NKAIN3: variants seen among roughly 807,000 people sequenced by gnomAD.
NKAIN3 encodes the protein sodium/potassium-transporting ATPase subunit beta-1-interacting protein 3.
Under a neutral mutation model 30.2 loss-of-function variants are expected in NKAIN3, and 25 were observed. The observed-to-expected ratio is 0.83, with a 90% CI of 0.60 to 1.16. NKAIN3 has a LOEUF of 1.16. Among genes scored for constraint, NKAIN3 ranks in the 50% most tolerant of loss-of-function variants. The probability of loss-of-function intolerance (pLI) is 0.00; values close to 1 mark genes in which losing one functional copy is unlikely to be tolerated. For missense variants in NKAIN3, 225 were observed against 254.1 expected, an observed-to-expected ratio of 0.89 and a Z score of 0.78; for synonymous variants, 91 against 89.6, an observed-to-expected ratio of 1.02 and a Z score of -0.09.
intron 1 of NKAIN3, among the ~76,000 whole-genome samples, chr8:62,256,920 A>G (rs1331723613): frequency 1.3e-5 from 2 of 152,204 alleles, no homozygotes; most frequent in Admixed American, 1.3e-4. Context: ...TGTGAGGCTG[A>G]CGAATGTTCC....
rs1227640385 is a variant in NKAIN3 at position 62,971,138 on chromosome 8, G to A, written c.*5731G>A. 6.6e-6 allele frequency among the ~76,000 whole-genome samples: 1 copy of A among 152,098 alleles called. No homozygotes were observed. The highest frequency in any genetic ancestry group is 1.5e-5 in the Non-Finnish European group (1 of 68,030). ...AACATGACTCAAAATGGCTGCTGAAGCTTCAGCCATTGGTTTTGTATTCTG... is the reference window on the plus strand; with the variant it reads ...AACATGACTCAAAATGGCTGCTGAAACTTCAGCCATTGGTTTTGTATTCTG... On this transcript the variant is annotated 3_prime_UTR_variant, in exon 7 of 7. Coordinates refer to ENST00000623646, the MANE Select transcript of NKAIN3 (RefSeq NM_001304533.3).
intron 1 of NKAIN3, among the ~76,000 whole-genome samples, chr8:62,512,244 A>C (rs1463642245): frequency 2.0e-5 from 3 of 152,222 alleles, no homozygotes; most frequent in South Asian, 2.1e-4. Flanking sequence ...CAGGCTAATT[A>C]ATTTGTGATT....
At chr8:62,462,781 G>A (rs12115033) in intron 1 of NKAIN3, among the ~76,000 whole-genome samples, 21,826 of 152,108 alleles carry the variant, frequency 0.14, 1,783 homozygotes, top group East Asian at 0.38. Context: ...TGGTTCCTGG[G>A]GTCTGAGGAA....
In NKAIN3 at chr8:62,843,345, TA is replaced by T. The variant is rs573068035; in HGVS notation, c.472-75107del. 2.7e-3 allele frequency among the ~76,000 whole-genome samples: 415 copies of T among 151,728 alleles called. 2 individuals carry two copies. The highest frequency in any genetic ancestry group is 7.5e-3 in the African/African-American group (309 of 41,436). ...TTAATTAATTAATTTTTTATTTATTTATTTTTTTTGAGACAGAGTCTCATTC... is the reference window on the plus strand; with the variant it reads ...TTAATTAATTAATTTTTTATTTATTTTTTTTTTTGAGACAGAGTCTCATTC... On this transcript the variant is annotated intron_variant, in intron 4 of 6. Coordinates refer to ENST00000623646, the MANE Select transcript of NKAIN3 (RefSeq NM_001304533.3).
intron 1 of NKAIN3, among the ~76,000 whole-genome samples, chr8:62,544,127 A>G (rs1164382161): frequency 6.6e-6 from 1 of 151,974 alleles, no homozygotes; most frequent in Non-Finnish European, 1.5e-5. Context: ...TCAGCCTCCC[A>G]AGTAGCCAGA....
chr8:62,479,966 GA>G (rs1806661195), intron 1 of NKAIN3, among the ~76,000 whole-genome samples: 1 of 152,112 alleles, frequency 6.6e-6, no homozygotes, highest in Admixed American at 6.5e-5. Flanking sequence ...GAACATTTTG[GA>G]ATTTAGCTTG....
intron 3 of NKAIN3, among the ~76,000 whole-genome samples, chr8:62,703,633 C>G (rs780201767): frequency 2.6e-5 from 4 of 152,152 alleles, no homozygotes; most frequent in Admixed American, 2.0e-4. Flanking sequence ...AATCTCCCTG[C>G]GGAAACATCC....
chr8:62,525,224 G>A (rs554177131), intron 1 of NKAIN3, among the ~76,000 whole-genome samples: 2 of 152,070 alleles, frequency 1.3e-5, no homozygotes, highest in East Asian at 1.9e-4. Context: ...CTTACACAAG[G>A]ATGCATACTT....
chr8:62,651,660 C>G (rs906945346), intron 3 of NKAIN3, among the ~76,000 whole-genome samples: 3 of 152,014 alleles, frequency 2.0e-5, no homozygotes, highest in African/African-American at 7.2e-5. Context: ...GACATGTGTC[C>G]CTTCCAAATC....
chr8:62,801,012 T>TGCTA lies in NKAIN3; in HGVS notation c.471+53886_471+53889dup, dbSNP rs1818042747. On this transcript the variant is annotated intron_variant, in intron 4 of 6. Coordinates refer to ENST00000623646, the MANE Select transcript of NKAIN3 (RefSeq NM_001304533.3). ...CCTACACCCACGGAGTCTCACTGATTGCTAGCACAGCAGTCTGAGATCAAA... is the reference window on the plus strand; with the variant it reads ...CCTACACCCACGGAGTCTCACTGATTGCTAGCTAGCACAGCAGTCTGAGATCAAA... Among the ~76,000 whole-genome samples the TGCTA allele has an allele frequency of 3.3e-5, 5 of 152,302 alleles. No homozygotes were observed. In the South Asian group the frequency reaches 1.0e-3, roughly 32 times the overall value.
intron 1 of NKAIN3, among the ~76,000 whole-genome samples, chr8:62,389,004 G>A (rs1390711030): frequency 1.3e-5 from 2 of 152,136 alleles, no homozygotes; most frequent in South Asian, 2.1e-4. Flanking sequence ...AGCCCTCCAG[G>A]GAGCAGCCCG....
intron 1 of NKAIN3, among the ~76,000 whole-genome samples, chr8:62,290,836 T>G (rs1813591964): frequency 6.6e-6 from 1 of 152,224 alleles, no homozygotes; most frequent in Non-Finnish European, 1.5e-5. Flanking sequence ...TTTGTACCTC[T>G]GGTAGAATTC....
chr8:62,807,316 A>G (rs1474727826), intron 4 of NKAIN3, among the ~76,000 whole-genome samples: 1 of 152,010 alleles, frequency 6.6e-6, no homozygotes, highest in Non-Finnish European at 1.5e-5. Context: ...TTACCCCTCA[A>G]GTTGGGGTGT....
chr8:62,938,809 G>C (rs1373954564), intron 5 of NKAIN3, among the ~76,000 whole-genome samples: 2 of 152,126 alleles, frequency 1.3e-5, no homozygotes, highest in African/African-American at 4.8e-5. Context: ...GAAGGAACCA[G>C]AAGAATAATT....
chr8:62,556,181 T>C (rs1809380928), intron 1 of NKAIN3, among the ~76,000 whole-genome samples: 2 of 152,092 alleles, frequency 1.3e-5, no homozygotes, highest in Middle Eastern at 3.5e-3. Context: ...ATAATGTCAA[T>C]AGAACAGTAT....
intron 3 of NKAIN3, among the ~76,000 whole-genome samples, chr8:62,681,714 T>C (rs1813650054): frequency 6.6e-6 from 1 of 152,236 alleles, no homozygotes; most frequent in Non-Finnish European, 1.5e-5. Context: ...AATGATCTTC[T>C]ATGTCATTAG....
chr8:62,865,140 C>T (rs1820379816), intron 4 of NKAIN3, among the ~76,000 whole-genome samples: 1 of 152,130 alleles, frequency 6.6e-6, no homozygotes, highest in Admixed American at 6.6e-5. Context: ...ACTGCGACAT[C>T]ACCAAGCTGA....
In NKAIN3 at chr8:62,969,357, A is replaced by G. The variant is rs12056579; in HGVS notation, c.*3950A>G. Among the ~76,000 whole-genome samples the G allele has an allele frequency of 0.12, 17,783 of 152,242 alleles. 1,200 individuals are homozygous for G. Among genetic ancestry groups the G allele is most frequent in the East Asian group, 0.22 (1,136 of 5,178 alleles). ...GCTAAAATGTACATTGCAAATCTGA[A>G]GAAAACAATCATGACTCTGCTAATT... On this transcript the variant is annotated 3_prime_UTR_variant, in exon 7 of 7. Transcript: ENST00000623646.
intron 1 of NKAIN3, among the ~76,000 whole-genome samples, chr8:62,284,248 C>A (rs1230169086): frequency 6.6e-6 from 1 of 152,078 alleles, no homozygotes; most frequent in African/African-American, 2.4e-5. Context: ...GTTGTTGTAA[C>A]CTCTGTGACT....
Sources: allele counts gnomAD v4.1 joint callset (sites outside exome capture counted in the v4.1 genomes callset), GRCh38; gene constraint gnomAD v4.1.1; transcripts MANE v1.5; gene names NCBI Gene and HGNC (gene_info 2026-07-23, HGNC 2026-07-21).